Variants in GOLGA3 observed in about 807,000 individuals in gnomAD.
GOLGA3 encodes golgin subfamily A member 3.
A neutral mutation model predicts 169.4 loss-of-function variants in GOLGA3; 75 were observed. The observed-to-expected ratio is 0.44, with a 90% CI of 0.37 to 0.54. The LOEUF (loss-of-function observed/expected upper bound fraction) is 0.54, where lower values mean the gene tolerates loss of function less well. GOLGA3 is among the 20% of genes least tolerant of loss of function. The probability of loss-of-function intolerance (pLI) is 0.00; values close to 1 mark genes in which losing one functional copy is unlikely to be tolerated. For missense variants in GOLGA3, 1,899 were observed against 1,930.0 expected, an observed-to-expected ratio of 0.98 and a Z score of 0.30; for synonymous variants, 824 against 822.4, an observed-to-expected ratio of 1.00 and a Z score of -0.03.
chr12:132,785,183 C>G (rs1468454301), intron 15 of GOLGA3, among the ~76,000 whole-genome samples: 1 of 152,190 alleles, frequency 6.6e-6, no homozygotes, highest in East Asian at 1.9e-4. Context: ...AACAGCGTGG[C>G]GAGGGGCCAG....
rs1033521433 is a variant in GOLGA3 at position 132,780,790 on chromosome 12, G to T, written c.3582+8C>A. Reference sequence around the variant, plus strand: ...GGAACGCCCTGTGAGACGGAAGGTGGCACGCACCTGCTCCTTGAGGCTGTT... The same window carrying T: ...GGAACGCCCTGTGAGACGGAAGGTGTCACGCACCTGCTCCTTGAGGCTGTT... On this transcript the variant is annotated splice_region_variant and intron_variant, in intron 18 of 23. Coordinates refer to ENST00000450791, the MANE Select transcript of GOLGA3 (RefSeq NM_001389683.1). The T allele has an allele frequency of 1.9e-6, 3 of 1,555,856 alleles. No individual in the cohort carries two copies. The highest frequency in any genetic ancestry group is 1.8e-6 in the Non-Finnish European group (2 of 1,130,976).
intron 2 of GOLGA3, among the ~76,000 whole-genome samples, chr12:132,820,148 C>T (rs890522458): frequency 6.6e-6 from 1 of 151,976 alleles, no homozygotes; most frequent in Non-Finnish European, 1.5e-5. Flanking sequence ...TGCACTACAG[C>T]CTGGACAACA....
chr12:132,775,703 C>T (rs2045188499), intron 21 of GOLGA3, among the ~76,000 whole-genome samples: 2 of 152,148 alleles, frequency 1.3e-5, no homozygotes, highest in South Asian at 4.1e-4. Flanking sequence ...TGTGAGCCAC[C>T]AGGCCTGGCC....
At chr12:132,794,330 AT>A (rs1489374268) in intron 11 of GOLGA3, among the ~76,000 whole-genome samples, 1 of 143,372 alleles carries the variant, frequency 7.0e-6, no homozygotes, top group South Asian at 2.3e-4. Context: ...CCCCGTATCT[AT>A]TTAAAAAAAA....
At chr12:132,798,665 G>C (rs1386675250) in intron 8 of GOLGA3, among the ~76,000 whole-genome samples, 188 bp from the exon 9 acceptor site, 1 of 151,556 alleles carries the variant, frequency 6.6e-6, no homozygotes, top group Non-Finnish European at 1.5e-5. Flanking sequence ...GCGTGCCTGA[G>C]TGGGAGGGCG....
intron 8 of GOLGA3, 99 bp downstream of exon 8, chr12:132,801,663 AACATG>A: frequency 1.8e-6 from 2 of 1,138,580 alleles, no homozygotes; most frequent in Non-Finnish European, 2.6e-6. Context: ...TAAAAACAAA[AACATG>A]CCTGTGAACT....
intron 2 of GOLGA3, among the ~76,000 whole-genome samples, chr12:132,819,483 C>G (rs972443660): frequency 6.6e-6 from 1 of 152,024 alleles, no homozygotes; most frequent in Non-Finnish European, 1.5e-5. Flanking sequence ...AAGCTGAGGT[C>G]GTGCCACTGC....
chr12:132,815,055 G>A (rs1024528146), intron 3 of GOLGA3, among the ~76,000 whole-genome samples: 3 of 152,208 alleles, frequency 2.0e-5, no homozygotes, highest in Admixed American at 6.5e-5. Flanking sequence ...CTGAGGAGAT[G>A]AGCAGCTACT....
Position 132,805,016 on chromosome 12 carries a change from T to C in GOLGA3, c.1297A>G (p.Lys433Glu). ...TGGGCCTGCAGCTCAGCCTTCTCTT[T>C]AAGTGCCTGAAAAGATCCCAACAAC... ...ALSLEASQAL[K>E]EKAELQAQLA... Residue 433 changes from lysine to glutamate, a missense_variant, in exon 7 of 24, where the codon AAA becomes GAA. Physicochemically the swap from Lys to Glu is moderately conservative, Grantham distance 56 (BLOSUM62 1). Transcript: ENST00000450791. 6.2e-7 allele frequency: 1 copy of C among 1,606,614 alleles called. No individual in the cohort carries two copies. The highest frequency in any genetic ancestry group is 8.5e-7 in the Non-Finnish European group (1 of 1,178,634).
chr12:132,802,632 G>A (rs1293165020), intron 7 of GOLGA3, among the ~76,000 whole-genome samples: 1 of 151,600 alleles, frequency 6.6e-6, no homozygotes, highest in African/African-American at 2.4e-5. Flanking sequence ...AAAGACAAAT[G>A]AATTTTTAAA....
chr12:132,808,346 G>A lies in GOLGA3; in HGVS notation c.723C>T (p.Ser241=), dbSNP rs777816757. 6.8e-6 allele frequency: 11 copies of A among 1,614,094 alleles called. No individual in the cohort carries two copies. The highest frequency in any genetic ancestry group is 8.5e-6 in the Non-Finnish European group (10 of 1,180,008). The change falls in exon 5 of 24, where the codon AGC becomes AGT. Residue 241 remains serine, a synonymous_variant. Transcript: ENST00000450791. ...TGTAATCGGCCAGAGACCGGATTTT[G>A]CTTGATTTGGAAGTTTTTTTCTCCC... ...HPREKKTSKS[S]KIRSLADYRT...
intron 12 of GOLGA3, among the ~76,000 whole-genome samples, 158 bp downstream of exon 12, chr12:132,791,058 A>C (rs1479445089): frequency 1.0e-5 from 1 of 98,746 alleles, no homozygotes; most frequent in South Asian, 3.5e-4. Context: ...CTCAAAAAAA[A>C]AAAAAAAAAA....
rs146786862 is a variant in GOLGA3, at chr12:132,784,254, C to T, written c.3177G>A (p.Thr1059=). ...CCTCCTGCAGTTCCTTTTCCAGCAG[C>T]GTCTTGCTATGACTGACAGCCTGCA... ...AELQAVSHSK[T]LLEKELQEVI... The change falls in exon 16 of 24, where the codon ACG becomes ACA. Residue 1059 remains threonine, a synonymous_variant. Transcript: ENST00000450791. The T allele has an allele frequency of 3.4e-5, 55 of 1,611,004 alleles. No homozygotes were observed. The African/African-American group carries it at 5.5e-4, about 16-fold the overall frequency.
At chr12:132,791,050 C>CAAAAAAAAAAAAAAAAA (rs771719474) in intron 12 of GOLGA3, among the ~76,000 whole-genome samples, 166 bp downstream of exon 12, 2 of 52,632 alleles carry the variant, frequency 3.8e-5, no homozygotes, top group Non-Finnish European at 6.1e-5. Flanking sequence ...GACTCCGTCT[C>CAAAAAAAAAAAAAAAAA]AAAAAAAAAA....
intron 1 of GOLGA3, among the ~76,000 whole-genome samples, chr12:132,826,842 G>A (rs540255847): frequency 6.7e-6 from 1 of 149,098 alleles, no homozygotes; most frequent in Non-Finnish European, 1.5e-5. Flanking sequence ...AGCGATCTCC[G>A]GGCAGCGAGG....
chr12:132,810,392 C>T (rs753652030), intron 4 of GOLGA3, among the ~76,000 whole-genome samples: 4 of 152,112 alleles, frequency 2.6e-5, no homozygotes, highest in Admixed American at 6.6e-5. Flanking sequence ...AGACTGAGGA[C>T]GCGAACTGTT....
At position 132,786,395 on chromosome 12, in the gene GOLGA3, C is replaced by G; in HGVS notation, c.3067G>C (p.Glu1023Gln). The G allele has an allele frequency of 6.2e-7, 1 of 1,612,478 alleles. No homozygotes were observed. Among genetic ancestry groups the G allele is most frequent in the South Asian group, 1.1e-5 (1 of 90,970 alleles). The stretch of plus-strand genomic sequence containing the variant: ...CCCTGGGCTCGGAGCTGGCCCAGCT[C>G]CGCGTCCGCAGCCTCCTTGGCCGCG... ...ALAAKEAADA[E>Q]LGQLRAQGGS... The change falls in exon 15 of 24, where the codon GAG becomes CAG. Residue 1023 changes from glutamate (E) to glutamine (Q), a missense_variant. Glu to Gln is a conservative substitution (Grantham distance 29). Coordinates refer to ENST00000450791, the MANE Select transcript of GOLGA3 (RefSeq NM_001389683.1).
intron 1 of GOLGA3, chr12:132,827,744 T>A (rs375638368): frequency 1.3e-5 from 2 of 152,136 alleles, no homozygotes; most frequent in African/African-American, 4.8e-5. Context: ...TATAAAGCGC[T>A]ATGTTGATGT....
rs1950189597 is a variant in GOLGA3, at chr12:132,821,102, A to AAAAG, written c.133+893_133+894insCTTT. Among the ~76,000 whole-genome samples the AAAAG allele has an allele frequency of 2.0e-5, 3 of 148,228 alleles. 1 individual carries two copies. The highest frequency in any genetic ancestry group is 7.5e-5 in the African/African-American group (3 of 40,216). On this transcript the variant is annotated intron_variant, in intron 2 of 23. Transcript: ENST00000450791. ...GCGACAGAACAGGACACCGTCTCAA[A>AAAAG]AAAAAAAAAAAAAAAAAAAAATGGC...
Sources: allele counts gnomAD v4.1 joint callset (sites outside exome capture counted in the v4.1 genomes callset), GRCh38; gene constraint gnomAD v4.1.1; transcripts MANE v1.5; gene names NCBI Gene and HGNC (gene_info 2026-07-23, HGNC 2026-07-21).